Variants in DCLK2 observed in about 807,000 individuals in gnomAD.
DCLK2 encodes serine/threonine-protein kinase DCLK2.
Under a neutral mutation model 78.4 loss-of-function variants are expected in DCLK2, and 31 were observed. That is an observed-to-expected ratio of 0.40 (90% confidence interval 0.30 to 0.53). The LOEUF (loss-of-function observed/expected upper bound fraction) is 0.53, where lower values mean the gene tolerates loss of function less well. Among genes scored for constraint, DCLK2 ranks in the 20% least tolerant of loss-of-function variants. DCLK2 has a pLI of 0.61. For synonymous variants in DCLK2, 407 were observed against 374.9 expected, an observed-to-expected ratio of 1.09 and a Z score of -0.99; for missense variants, 872 against 973.7, an observed-to-expected ratio of 0.90 and a Z score of 1.39.
At chr4:150,165,830 A>G (rs1388482370) in intron 2 of DCLK2, among the ~76,000 whole-genome samples, 1 of 152,222 alleles carries the variant, frequency 6.6e-6, no homozygotes, top group Non-Finnish European at 1.5e-5. Flanking sequence ...GTAGAGCCTA[A>G]TAAGATCTGA....
intron 2 of DCLK2, among the ~76,000 whole-genome samples, chr4:150,153,225 G>A (rs879918102): frequency 4.6e-5 from 7 of 152,146 alleles, no homozygotes; most frequent in Admixed American, 4.6e-4. Flanking sequence ...GGATGGAATT[G>A]GTGACAGGAT....
chr4:150,209,411 G>T (rs953836388), intron 5 of DCLK2, among the ~76,000 whole-genome samples: 1 of 152,224 alleles, frequency 6.6e-6, no homozygotes, highest in African/African-American at 2.4e-5. Context: ...TTCATGCCAA[G>T]TTGTACTATG....
chr4:150,164,227 C>T (rs939960995), intron 2 of DCLK2, among the ~76,000 whole-genome samples: 1 of 152,216 alleles, frequency 6.6e-6, no homozygotes, highest in African/African-American at 2.4e-5. Flanking sequence ...CTTGGAGAGA[C>T]TTTGGCTGTT....
At chr4:150,248,898 G>A (rs1743528737) in intron 14 of DCLK2, among the ~76,000 whole-genome samples, 1 of 151,980 alleles carries the variant, frequency 6.6e-6, no homozygotes, top group Admixed American at 6.5e-5. Context: ...GTCTCTGGGA[G>A]GGAAACATGA....
At chr4:150,151,879 T>G (rs1340767153) in intron 2 of DCLK2, among the ~76,000 whole-genome samples, 2 of 151,746 alleles carry the variant, frequency 1.3e-5, no homozygotes, top group Non-Finnish European at 1.5e-5. Flanking sequence ...GAGTCAAGAT[T>G]GCACCACTGC....
chr4:150,182,878 C>T (rs1737633627), intron 2 of DCLK2, among the ~76,000 whole-genome samples: 1 of 151,986 alleles, frequency 6.6e-6, no homozygotes, highest in Admixed American at 6.6e-5. Flanking sequence ...GTTTTTTTAA[C>T]TACTCTTAGA....
intron 5 of DCLK2, among the ~76,000 whole-genome samples, chr4:150,214,740 T>C (rs1740555675): frequency 1.3e-5 from 2 of 152,044 alleles, no homozygotes; most frequent in Admixed American, 6.6e-5. Flanking sequence ...GGTGGGTGGA[T>C]CACTTGGGGT....
chr4:150,139,046 T>G (rs2150210199), intron 2 of DCLK2, among the ~76,000 whole-genome samples: 1 of 152,116 alleles, frequency 6.6e-6, no homozygotes, highest in South Asian at 2.1e-4. Context: ...TTGAAAAATT[T>G]TTTTCAATGG....
chr4:150,120,115 C>T (rs984861571), intron 2 of DCLK2, among the ~76,000 whole-genome samples: 4 of 152,186 alleles, frequency 2.6e-5, no homozygotes, highest in African/African-American at 9.7e-5. Flanking sequence ...GTCATTTATT[C>T]ATCATGCCTT....
chr4:150,229,461 G>A (rs1741876285), intron 8 of DCLK2, among the ~76,000 whole-genome samples: 1 of 152,212 alleles, frequency 6.6e-6, no homozygotes, highest in South Asian at 2.1e-4. Context: ...ATTGGTGATT[G>A]TGGGTATATT....
intron 2 of DCLK2, among the ~76,000 whole-genome samples, chr4:150,153,630 G>C (rs533963132): frequency 8.6e-5 from 13 of 151,838 alleles, no homozygotes; most frequent in Admixed American, 3.3e-4. Flanking sequence ...GCCCAGGCTG[G>C]TCTTGACCTC....
At chr4:150,169,331 A>G (rs1165934272) in intron 2 of DCLK2, among the ~76,000 whole-genome samples, 1 of 152,244 alleles carries the variant, frequency 6.6e-6, no homozygotes, top group Non-Finnish European at 1.5e-5. Context: ...TGAGCATAGA[A>G]TGATTCGTAC....
At chr4:150,089,082 C>T (rs1386142238) in intron 1 of DCLK2, among the ~76,000 whole-genome samples, 8 of 151,724 alleles carry the variant, frequency 5.3e-5, no homozygotes, top group Admixed American at 5.2e-4. Flanking sequence ...GCAGATATTC[C>T]AAAATCTGAA....
chr4:150,114,741 C>T (rs1731949490), intron 2 of DCLK2, among the ~76,000 whole-genome samples: 1 of 152,194 alleles, frequency 6.6e-6, no homozygotes, highest in African/African-American at 2.4e-5. Flanking sequence ...TATAAGGTTT[C>T]TGCTGAGAAG....
chr4:150,147,159 G>C (rs1194940592), intron 2 of DCLK2, among the ~76,000 whole-genome samples: 1 of 152,054 alleles, frequency 6.6e-6, no homozygotes, highest in Non-Finnish European at 1.5e-5. Context: ...AGTTAGCGAA[G>C]CATGGTGCCA....
intron 15 of DCLK2, among the ~76,000 whole-genome samples, chr4:150,250,738 C>T (rs1743729432): frequency 6.6e-6 from 1 of 151,644 alleles, no homozygotes; most frequent in Non-Finnish European, 1.5e-5. Flanking sequence ...TTGTTTCCTA[C>T]CCAACTAGAA....
chr4:150,091,799 G>A (rs907690308), intron 1 of DCLK2, among the ~76,000 whole-genome samples: 1 of 151,190 alleles, frequency 6.6e-6, no homozygotes, highest in Non-Finnish European at 1.5e-5. Flanking sequence ...GTGTGTGTGT[G>A]TGTGTGTGTA....
At chr4:150,155,372 G>A (rs11737192) in intron 2 of DCLK2, among the ~76,000 whole-genome samples, 14,226 of 152,234 alleles carry the variant, frequency 0.093, 746 homozygotes, top group East Asian at 0.15. Flanking sequence ...TTTTCCTTCT[G>A]TATACAAGCT....
chr4:150,164,758 C>T (rs1735945787), intron 2 of DCLK2, among the ~76,000 whole-genome samples: 1 of 152,056 alleles, frequency 6.6e-6, no homozygotes, highest in African/African-American at 2.4e-5. Flanking sequence ...GAGATTGTGC[C>T]ACTGCACTCC....
Sources: gnomAD v4.1 joint callset for allele counts (sites outside exome capture counted in the v4.1 genomes callset) on GRCh38, gnomAD v4.1.1 for gene constraint, MANE v1.5 for transcripts, NCBI Gene and HGNC (gene_info 2026-07-23, HGNC 2026-07-21) for gene names.